Variants in PKP4 observed in about 807,000 individuals in gnomAD.
PKP4 encodes the protein plakophilin-4.
A neutral mutation model predicts 145.1 loss-of-function variants in PKP4; 90 were observed. That is an observed-to-expected ratio of 0.62 (90% CI 0.52 to 0.74). The LOEUF (loss-of-function observed/expected upper bound fraction) is 0.74, where lower values mean the gene tolerates loss of function less well. PKP4 is among the 30% of genes least tolerant of loss of function. PKP4 has a pLI of 0.00. For missense variants in PKP4, 1,340 were observed against 1,482.7 expected (o/e 0.90, Z 1.58); for synonymous variants, 563 against 577.2 (o/e 0.98, Z 0.35).
In PKP4 at chr2:158,661,325, C is replaced by T; in HGVS notation, c.2094-8C>T. 1.2e-6 allele frequency: 2 copies of T among 1,605,404 alleles called. No individual in the cohort carries two copies. The highest frequency in any genetic ancestry group is 1.7e-6 in the Non-Finnish European group (2 of 1,172,602). On this transcript the variant is annotated splice_polypyrimidine_tract_variant and splice_region_variant and intron_variant, in intron 12 of 21. Coordinates refer to ENST00000389759, the MANE Select transcript of PKP4 (RefSeq NM_003628.6). The stretch of plus-strand genomic sequence containing the variant: ...TCTCAGCAGCTCCTCCTGTCTCCAC[C>T]CCTTTAGGAACCTCAGCTCCGCGGG...
intron 11 of PKP4, among the ~76,000 whole-genome samples, chr2:158,653,324 A>G (rs1016600168): frequency 2.0e-5 from 3 of 152,254 alleles, no homozygotes; most frequent in Non-Finnish European, 4.4e-5. Flanking sequence ...ATCAGCTTCT[A>G]ATTTGACTAT....
intron 8 of PKP4, among the ~76,000 whole-genome samples, chr2:158,633,786 A>G (rs2053588740): frequency 6.6e-6 from 1 of 152,168 alleles, no homozygotes; most frequent in African/African-American, 2.4e-5. Context: ...AGATTCTTAT[A>G]TTTCTCTCAG....
chr2:158,631,793 G>T lies in PKP4; in HGVS notation c.1194G>T (p.Gly398=), dbSNP rs1280073116. The T allele has an allele frequency of 6.2e-7, 1 of 1,613,960 alleles. No homozygotes were observed. The stretch of plus-strand genomic sequence containing the variant: ...ATGCTAGTCAGCATAGTCAGCTTGG[G>T]CAAGACCTTCGTTCTGCCGTGTCTC... The part of the protein sequence containing the change: ...SSYASQHSQL[G]QDLRSAVSPD... Residue 398 remains glycine (G), a synonymous_variant, in exon 8 of 22, where the codon GGG becomes GGT. Transcript: ENST00000389759.
rs139221917 is a variant in PKP4 at position 158,663,069 on chromosome 2, G to A, written c.2384G>A (p.Arg795Lys). 1.7e-3 allele frequency: 2,706 copies of A among 1,610,314 alleles called. 5 individuals are homozygous for A. The highest frequency in any genetic ancestry group is 2.1e-3 in the Non-Finnish European group (2,441 of 1,178,824). ...GGGAAGAAGAAGAAAAAGAAAAAGAGGACTCCGCAAGAAGATCAAGTTAGC... is the reference window on the plus strand; with the variant it reads ...GGGAAGAAGAAGAAAAAGAAAAAGAAGACTCCGCAAGAAGATCAAGTTAGC... ...CWGKKKKKKK[R>K]TPQEDQWDGV... The change falls in exon 14 of 22, where the codon AGG (arginine) becomes AAG (lysine). Residue 795 changes from arginine (R) to lysine (K), a missense_variant. By Grantham distance (26) the Arg-to-Lys change is conservative. Transcript: ENST00000389759.
chr2:158,518,819 G>C (rs1489076536), intron 1 of PKP4, among the ~76,000 whole-genome samples: 4 of 152,146 alleles, frequency 2.6e-5, no homozygotes, highest in African/African-American at 9.7e-5. Flanking sequence ...GTACTTGGAA[G>C]CTATTGATAA....
chr2:158,482,928 A>G (rs1693584866), intron 1 of PKP4, among the ~76,000 whole-genome samples: 1 of 152,046 alleles, frequency 6.6e-6, no homozygotes, highest in Non-Finnish European at 1.5e-5. Flanking sequence ...AAAGTTTGTG[A>G]TACAGTGTTT....
intron 11 of PKP4, among the ~76,000 whole-genome samples, chr2:158,655,054 T>C (rs1020246317): frequency 2.6e-5 from 4 of 152,148 alleles, no homozygotes; most frequent in Admixed American, 6.5e-5. Flanking sequence ...CCTATAAAAA[T>C]ATTTAAAAGG....
At chr2:158,483,211 C>A (rs1226861802) in intron 1 of PKP4, among the ~76,000 whole-genome samples, 1 of 152,066 alleles carries the variant, frequency 6.6e-6, no homozygotes, top group East Asian at 1.9e-4. Context: ...TTATCCATTT[C>A]TCATGGTGGA....
intron 4 of PKP4, among the ~76,000 whole-genome samples, chr2:158,618,972 T>C (rs1160293493): frequency 6.6e-6 from 1 of 152,204 alleles, no homozygotes; most frequent in Non-Finnish European, 1.5e-5. Context: ...TTTTTCCATG[T>C]ATGTGAAGCC....
chr2:158,517,009 A>C (rs1360755719), intron 1 of PKP4, among the ~76,000 whole-genome samples: 1 of 152,170 alleles, frequency 6.6e-6, no homozygotes, highest in Non-Finnish European at 1.5e-5. Flanking sequence ...TAAATATTCA[A>C]GTCTTTAAGC....
chr2:158,488,970 A>G (rs1176770682), intron 1 of PKP4, among the ~76,000 whole-genome samples: 1 of 152,190 alleles, frequency 6.6e-6, no homozygotes, highest in Non-Finnish European at 1.5e-5. Context: ...AACTATTTTA[A>G]CAACCTTGGG....
chr2:158,555,969 T>C (rs1168148150), intron 2 of PKP4, among the ~76,000 whole-genome samples: 1 of 152,208 alleles, frequency 6.6e-6, no homozygotes, highest in Non-Finnish European at 1.5e-5. Flanking sequence ...ACTTTAAAAC[T>C]CTTGATCAAA....
At chr2:158,545,286 CT>C (rs1342097228) in intron 2 of PKP4, among the ~76,000 whole-genome samples, 1 of 151,874 alleles carries the variant, frequency 6.6e-6, no homozygotes, top group Non-Finnish European at 1.5e-5. Flanking sequence ...TAGCTTTGTC[CT>C]TTTTGCACTT....
At chr2:158,483,991 A>G (rs552866471) in intron 1 of PKP4, among the ~76,000 whole-genome samples, 2 of 150,320 alleles carry the variant, frequency 1.3e-5, no homozygotes, top group East Asian at 3.9e-4. Context: ...ATTAAAAGTG[A>G]GCATAACAAG....
intron 11 of PKP4, among the ~76,000 whole-genome samples, chr2:158,643,702 G>C (rs2054527033): frequency 7.5e-6 from 1 of 132,690 alleles, no homozygotes; most frequent in African/African-American, 2.6e-5. Flanking sequence ...TGACAAGTGA[G>C]GCCCTGTTTC....
intron 2 of PKP4, among the ~76,000 whole-genome samples, chr2:158,540,946 CAGAGTT>C (rs2044473867): frequency 6.6e-6 from 1 of 152,046 alleles, no homozygotes; most frequent in Admixed American, 6.6e-5. Context: ...CAATTCTTTT[CAGAGTT>C]AAATTATGAA....
chr2:158,661,750 A>G (rs2056605371), intron 13 of PKP4: 2 of 257,224 alleles, frequency 7.8e-6, no homozygotes, highest in South Asian at 1.0e-4. Context: ...CTGTATCCGC[A>G]CTAGAATCAG....
In PKP4 at chr2:158,586,180, T is replaced by G. The variant is rs2048788916; in HGVS notation, c.245+8797T>G. On this transcript the variant is annotated intron_variant, in intron 3 of 21. Transcript: ENST00000389759. The stretch of plus-strand genomic sequence containing the variant: ...TTATTTATTAGGCATCAGTTGTACA[T>G]TTGGGTTGTTTTCACTTTTTGGCTC... Among the ~76,000 whole-genome samples the G allele has an allele frequency of 2.6e-5, 4 of 152,178 alleles. No individual in the cohort carries two copies. In the South Asian group the frequency reaches 8.3e-4, roughly 32 times the overall value.
At chr2:158,621,443 C>A (rs1268285083) in intron 6 of PKP4, 22 bp downstream of exon 6, 9 of 1,604,286 alleles carry the variant, frequency 5.6e-6, no homozygotes, top group Middle Eastern at 1.6e-4. Flanking sequence ...GCATCAAGAT[C>A]TCTGCAAAGA....
Sources: gnomAD v4.1 joint callset for allele counts (sites outside exome capture counted in the v4.1 genomes callset) on GRCh38, gnomAD v4.1.1 for gene constraint, MANE v1.5 for transcripts, NCBI Gene and HGNC (gene_info 2026-07-23, HGNC 2026-07-21) for gene names.